The following SLC4A3 variants were observed in gnomAD, a reference collection of about 807,000 sequenced individuals.
The protein encoded by SLC4A3 is anion exchange protein 3.
SLC4A3 carries 47 observed loss-of-function variants against 114.2 expected under a neutral mutation model. The ratio of observed to expected loss-of-function variants is 0.41; its 90% confidence interval spans 0.33 to 0.52. SLC4A3 has a LOEUF of 0.52. Among genes scored for constraint, SLC4A3 ranks in the 20% least tolerant of loss-of-function variants. SLC4A3 has a pLI of 0.21. For missense variants in SLC4A3, 1,312 were observed against 1,668.3 expected, an observed-to-expected ratio of 0.79 and a Z score of 3.72; for synonymous variants, 693 against 710.3, an observed-to-expected ratio of 0.98 and a Z score of 0.39.
Position 219,629,137 on chromosome 2 carries a change from C to A in SLC4A3, c.218-7C>A, listed in dbSNP as rs1265924773. On this transcript the variant is annotated splice_polypyrimidine_tract_variant and splice_region_variant and intron_variant, in intron 3 of 22. Transcript: ENST00000358055. ...GGGGGCCTCAACCGGATCTCCTGCA[C>A]CCCCAGTTCACCGGCACACATCCCA... 1 of 1,570,976 alleles carries A rather than the reference C, an allele frequency of 6.4e-7. No individual in the cohort carries two copies. Among genetic ancestry groups the A allele is most frequent in the Non-Finnish European group, 8.6e-7 (1 of 1,157,106 alleles).
At position 219,631,434 on chromosome 2, in the gene SLC4A3, C is replaced by T. The variant is rs537707338; in HGVS notation, c.812-534C>T. 3.1e-6 allele frequency: 4 copies of T among 1,303,960 alleles called. No homozygotes were observed. In the African/African-American group the frequency reaches 4.6e-5, roughly 15 times the overall value. 80.8% of individuals were successfully genotyped at this position (1,303,960 alleles called of 1,614,324 possible). ...GGAGTCCATCAGGGGCCAGCTGGGC[C>T]CCATGGCAGGGCCACCAACTTGTGA... On this transcript the variant is annotated intron_variant, in intron 6 of 22. Coordinates refer to ENST00000358055, the MANE Select transcript of SLC4A3 (RefSeq NM_005070.4). The surrounding 1 kb of genome is among the most constrained non-coding windows in gnomAD (Gnocchi z 6.3).
chr2:219,630,111 C>T lies in SLC4A3; in HGVS notation c.612-42C>T. 6.2e-7 allele frequency: 1 copy of T among 1,608,034 alleles called. No individual in the cohort carries two copies. The highest frequency in any genetic ancestry group is 8.5e-7 in the Non-Finnish European group (1 of 1,176,740). On this transcript the variant is annotated intron_variant, in intron 5 of 22. Transcript: ENST00000358055. The surrounding 1 kb of genome is among the most constrained non-coding windows in gnomAD (Gnocchi z 6.9). Reference sequence around the variant, plus strand: ...TGAGGGACGGTGATGGAACCACCGACCTGGCCCTGTCAAGTCCAAGGCTGC... The same window carrying T: ...TGAGGGACGGTGATGGAACCACCGATCTGGCCCTGTCAAGTCCAAGGCTGC...
At position 219,636,456 on chromosome 2, in the gene SLC4A3, G is replaced by T; in HGVS notation, c.2340+6G>T. On this transcript the variant is annotated splice_donor_region_variant and intron_variant, in intron 15 of 22. Coordinates refer to ENST00000358055, the MANE Select transcript of SLC4A3 (RefSeq NM_005070.4). This position sits in a 1 kb window ranked among gnomAD's most constrained non-coding sequence, Gnocchi z 5.5. The stretch of plus-strand genomic sequence containing the variant: ...TTGAGGAAGCCTTCTTCAAGGTGAG[G>T]CGAAGCCTTGCCCTGCTCCATCCAT... 6.3e-7 allele frequency: 1 copy of T among 1,597,988 alleles called. No individual in the cohort carries two copies. The highest frequency in any genetic ancestry group is 8.5e-7 in the Non-Finnish European group (1 of 1,172,798).
In SLC4A3 at chr2:219,635,740, G is replaced by A. The variant is rs374840483; in HGVS notation, c.2040G>A (p.Ser680=). ...PEDDPLLRTG[S]VFGGLVRDVR... Reference sequence around the variant, plus strand: ...ATGACCCCTTGCTGCGGACGGGCTCGGTATTTGGGGGGCTTGTGCGGGATG... The same window carrying A: ...ATGACCCCTTGCTGCGGACGGGCTCAGTATTTGGGGGGCTTGTGCGGGATG... Residue 680 remains serine, a synonymous_variant, in exon 14 of 23, where the codon TCG becomes TCA. Transcript: ENST00000358055. 20 of 1,595,404 alleles carry A rather than the reference G, an allele frequency of 1.3e-5. 1 individual carries two copies. Among genetic ancestry groups the A allele is most frequent in the South Asian group, 1.3e-4 (11 of 87,908 alleles).
chr2:219,640,305 C>T (rs1699280569), intron 20 of SLC4A3, 125 bp from the exon 21 acceptor site: 3 of 1,093,530 alleles, frequency 2.7e-6, no homozygotes, highest in East Asian at 2.5e-5. Flanking sequence ...GTCGCCTCCC[C>T]CCAGGCCTCT....
In SLC4A3 at chr2:219,628,066, G is replaced by A; in HGVS notation, c.51+23G>A. On this transcript the variant is annotated intron_variant, in intron 2 of 22. Transcript: ENST00000358055. This position sits in a 1 kb window ranked among gnomAD's most constrained non-coding sequence, Gnocchi z 4.8. ...CAGGTGATCGGCGCGCGCGGGGGCG[G>A]GGGAGAGATGGGGGAGGAGAGGGGA... 2 of 1,530,636 alleles carry A rather than the reference G, an allele frequency of 1.3e-6. No homozygotes were observed. The highest frequency in any genetic ancestry group is 1.2e-5 in the South Asian group (1 of 81,978). 94.8% of individuals were successfully genotyped at this position (1,530,636 alleles called of 1,614,324 possible).
At chr2:219,632,187 C>G in intron 7 of SLC4A3, 71 bp downstream of exon 7, 1 of 1,607,376 alleles carries the variant, frequency 6.2e-7, no homozygotes, top group Non-Finnish European at 8.5e-7. Flanking sequence ...CTCTCTTTGC[C>G]CCCCTGCCTT....
At position 219,632,406 on chromosome 2, in the gene SLC4A3, C is replaced by A. The variant is rs753138040; in HGVS notation, c.1105C>A (p.Arg369Ser). Reference protein sequence around the residue: ...GKPHVASLSFRSLLELRRTIA... With the variant: ...GKPHVASLSFSSLLELRRTIA... ...GCCCCATGTTGCCTCGCTCTCCTTCCGTAGCCTTCTGGAGCTCAGGAGGAC... is the reference window on the plus strand; with the variant it reads ...GCCCCATGTTGCCTCGCTCTCCTTCAGTAGCCTTCTGGAGCTCAGGAGGAC... Residue 369 changes from arginine (R) to serine (S), a missense_variant, in exon 8 of 23, where the codon CGT becomes AGT. Arg to Ser is a moderately radical substitution (Grantham distance 110). This residue lies in a region of SLC4A3 where 771 missense variants were observed against 977.7 expected (regional missense o/e 0.79). Coordinates refer to ENST00000358055, the MANE Select transcript of SLC4A3 (RefSeq NM_005070.4). The A allele has an allele frequency of 4.4e-6, 7 of 1,608,950 alleles. No homozygotes were observed. Among genetic ancestry groups the A allele is most frequent in the Non-Finnish European group, 5.9e-6 (7 of 1,177,558 alleles).
intron 20 of SLC4A3, among the ~76,000 whole-genome samples, chr2:219,640,183 C>T (rs912469134): frequency 1.3e-5 from 2 of 152,052 alleles, no homozygotes; most frequent in African/African-American, 4.8e-5. Flanking sequence ...CCCACCTCGG[C>T]CTCCCAAAGT....
In SLC4A3 at chr2:219,630,041, G is replaced by A. The variant is rs748861090; in HGVS notation, c.612-112G>A. The A allele has an allele frequency of 2.0e-6, 3 of 1,526,248 alleles. No homozygotes were observed. The highest frequency in any genetic ancestry group is 1.4e-5 in the African/African-American group (1 of 72,288). The allele number at this position is 1,526,248 out of a possible 1,614,324, so 94.5% of individuals were successfully genotyped here. On this transcript the variant is annotated intron_variant, in intron 5 of 22. Transcript: ENST00000358055. This position sits in a 1 kb window ranked among gnomAD's most constrained non-coding sequence, Gnocchi z 6.9. Reference sequence around the variant, plus strand: ...CAGCATCCTTTGCTGCCCAGGAGGGGCCTGGGTCTCATGCTCAGGGTCTAC... The same window carrying A: ...CAGCATCCTTTGCTGCCCAGGAGGGACCTGGGTCTCATGCTCAGGGTCTAC...
intron 8 of SLC4A3, 45 bp downstream of exon 8, chr2:219,632,487 T>C (rs1410741022): frequency 6.5e-7 from 1 of 1,540,004 alleles, no homozygotes; most frequent in Non-Finnish European, 8.8e-7. Flanking sequence ...CCCTCTTCAG[T>C]CTGTGCCAGG....
Position 219,639,357 on chromosome 2 carries a change from C to A in SLC4A3, c.3024-125C>A. 8.8e-7 allele frequency: 1 copy of A among 1,131,846 alleles called. No homozygotes were observed. The highest frequency in any genetic ancestry group is 1.3e-6 in the Non-Finnish European group (1 of 796,662). The allele number at this position is 1,131,846 out of a possible 1,614,324, so 70.1% of individuals were successfully genotyped here. On this transcript the variant is annotated intron_variant, in intron 19 of 22. Transcript: ENST00000358055. The surrounding 1 kb of genome is among the most constrained non-coding windows in gnomAD (Gnocchi z 5.9). The stretch of plus-strand genomic sequence containing the variant: ...TTGGGAACTTGAAAGAAGAAGCTGG[C>A]AGTCCTAGGGAGAACTGTTGTCTGC...
Position 219,631,923 on chromosome 2 carries a change from G to GGCAGGGCTGTATCTGGTGCATGCAGT in SLC4A3, c.812-45_812-44insGCAGGGCTGTATCTGGTGCATGCAGT. 1 of 1,538,692 alleles carries GGCAGGGCTGTATCTGGTGCATGCAGT rather than the reference G, an allele frequency of 6.5e-7. No individual in the cohort carries two copies. Among genetic ancestry groups the GGCAGGGCTGTATCTGGTGCATGCAGT allele is most frequent in the South Asian group, 1.2e-5 (1 of 80,002 alleles). On this transcript the variant is annotated intron_variant, in intron 6 of 22. Transcript: ENST00000358055. This position sits in a 1 kb window ranked among gnomAD's most constrained non-coding sequence, Gnocchi z 6.3. ...AAGGAGCTGGGCCGTGACCCCGAGG[G>GGCAGGGCTGTATCTGGTGCATGCAGT]CCCCAGCTGGACCTGTGGGACCCCC...
intron 20 of SLC4A3, 124 bp from the exon 21 acceptor site, chr2:219,640,306 C>G (rs1304076231): frequency 9.1e-6 from 10 of 1,101,326 alleles, no homozygotes; most frequent in Middle Eastern, 2.9e-4. Context: ...TCGCCTCCCC[C>G]CAGGCCTCTC....
In SLC4A3 at chr2:219,628,336, T is replaced by C. The variant is rs1698792758; in HGVS notation, c.52-69T>C. 3 of 1,446,364 alleles carry C rather than the reference T, an allele frequency of 2.1e-6. No homozygotes were observed. Among genetic ancestry groups the C allele is most frequent in the Non-Finnish European group, 2.8e-6 (3 of 1,079,342 alleles). The allele number at this position is 1,446,364 out of a possible 1,614,324, so 89.6% of individuals were successfully genotyped here. On this transcript the variant is annotated intron_variant, in intron 2 of 22. Coordinates refer to ENST00000358055, the MANE Select transcript of SLC4A3 (RefSeq NM_005070.4). The surrounding 1 kb of genome is among the most constrained non-coding windows in gnomAD (Gnocchi z 4.8). ...CCTGCTGAGCTCCCCCAACTAGGGC[T>C]TGGAGTTGGGGTGGGTGTGGGGCCT...
At chr2:219,635,625 C>A in intron 13 of SLC4A3, 48 bp from the exon 14 acceptor site, 1 of 1,516,294 alleles carries the variant, frequency 6.6e-7, no homozygotes, top group Non-Finnish European at 9.0e-7. Context: ...CCGGGGCCTC[C>A]GAGCCAGAGG....
Position 219,638,337 on chromosome 2 carries a change from A to T in SLC4A3, c.2856+84A>T. 8.9e-7 allele frequency: 1 copy of T among 1,125,502 alleles called. No individual in the cohort carries two copies. 69.7% of individuals were successfully genotyped at this position (1,125,502 alleles called of 1,614,324 possible). Reference sequence around the variant, plus strand: ...ACAACACACTTCCATGGGCCCTGGGATTGGGATCAGGCCTGAACTCAACTT... The same window carrying T: ...ACAACACACTTCCATGGGCCCTGGGTTTGGGATCAGGCCTGAACTCAACTT... On this transcript the variant is annotated intron_variant, in intron 18 of 22. Coordinates refer to ENST00000358055, the MANE Select transcript of SLC4A3 (RefSeq NM_005070.4). This position sits in a 1 kb window ranked among gnomAD's most constrained non-coding sequence, Gnocchi z 7.5.
chr2:219,631,853 G>A lies in SLC4A3; in HGVS notation c.812-115G>A. ...GGATTATGTGGTTCCCGTCGGCATG[G>A]CCTGTTGGTGACTGTAGAGCTCACC... On this transcript the variant is annotated intron_variant, in intron 6 of 22. Transcript: ENST00000358055. This position sits in a 1 kb window ranked among gnomAD's most constrained non-coding sequence, Gnocchi z 6.3. The A allele has an allele frequency of 3.5e-6, 4 of 1,152,920 alleles. No homozygotes were observed. Among genetic ancestry groups the A allele is most frequent in the Non-Finnish European group, 5.0e-6 (4 of 807,164 alleles). 71.4% of individuals were successfully genotyped at this position (1,152,920 alleles called of 1,614,324 possible). A position where few individuals can be genotyped will look rare whatever the true frequency, so the allele number is the denominator to read the frequency against.
chr2:219,639,560 G>T lies in SLC4A3; in HGVS notation c.3102G>T (p.Leu1034=), dbSNP rs1387446981. Residue 1034 remains leucine, a synonymous_variant, in exon 20 of 23, where the codon CTG becomes CTT. Transcript: ENST00000358055. This position sits in a 1 kb window ranked among gnomAD's most constrained non-coding sequence, Gnocchi z 5.9. ...TGGACCTGCTCCTCATTGGCTCCCTGGGGGGGCTCTGTGGGCTGTTTGGGT... is the reference window on the plus strand; with the variant it reads ...TGGACCTGCTCCTCATTGGCTCCCTTGGGGGGCTCTGTGGGCTGTTTGGGT... The part of the protein sequence containing the change: ...FHLDLLLIGS[L]GGLCGLFGLP... The T allele has an allele frequency of 1.2e-6, 2 of 1,613,776 alleles. No homozygotes were observed. The highest frequency in any genetic ancestry group is 1.7e-6 in the Non-Finnish European group (2 of 1,180,018).
Sources: gnomAD v4.1 joint callset for allele counts (sites outside exome capture counted in the v4.1 genomes callset) on GRCh38, gnomAD v4.1.1 for gene constraint, gnomAD v4.1.1 regional missense constraint, Gnocchi (gnomAD v3.1) non-coding constraint, MANE v1.5 for transcripts, NCBI Gene and HGNC (gene_info 2026-07-23, HGNC 2026-07-21) for gene names.